The following CAMSAP2 variants were observed in gnomAD, a reference collection of about 807,000 sequenced individuals.
CAMSAP2 encodes calmodulin-regulated spectrin-associated protein 2.
A neutral mutation model predicts 146.1 loss-of-function variants in CAMSAP2; 26 were observed. That is an observed-to-expected ratio of 0.18 (90% CI 0.13 to 0.25). The LOEUF (loss-of-function observed/expected upper bound fraction) is 0.25. Ranked by LOEUF, CAMSAP2 falls within the 10% of genes least tolerant of loss-of-function variation. CAMSAP2 has a pLI of 1.00. For missense variants in CAMSAP2, 1,381 were observed against 1,759.3 expected (o/e 0.78, Z 3.85); for synonymous variants, 499 against 596.6 (o/e 0.84, Z 2.38).
At chr1:200,854,993 C>A in intron 14 of CAMSAP2, 104 bp downstream of exon 14, 2 of 778,032 alleles carry the variant, frequency 2.6e-6, no homozygotes, top group East Asian at 2.9e-5. Context: ...TTTATAATGA[C>A]CAAATCATAA....
intron 2 of CAMSAP2, among the ~76,000 whole-genome samples, chr1:200,785,363 G>A (rs928228168): frequency 1.6e-4 from 25 of 151,572 alleles, no homozygotes; most frequent in Non-Finnish European, 3.2e-4. Flanking sequence ...GTATGCCACC[G>A]GGGCTTGATG....
intron 4 of CAMSAP2, among the ~76,000 whole-genome samples, chr1:200,824,235 C>CTTT (rs76100494): frequency 1.4e-5 from 2 of 141,170 alleles, no homozygotes; most frequent in African/African-American, 5.2e-5. Context: ...TCATCCATCT[C>CTTT]TTTTTTTTTT....
intron 11 of CAMSAP2, among the ~76,000 whole-genome samples, chr1:200,852,171 C>T (rs931254319): frequency 6.6e-6 from 1 of 152,028 alleles, no homozygotes; most frequent in Non-Finnish European, 1.5e-5. Flanking sequence ...TTTTACTGAG[C>T]TTATATTTTA....
In CAMSAP2 at chr1:200,816,782, A is replaced by G. The variant is rs375311662; in HGVS notation, c.645+1138A>G. Among the ~76,000 whole-genome samples, 94 of 107,490 alleles carry G rather than the reference A, an allele frequency of 8.7e-4. 16 individuals carry two copies. Among genetic ancestry groups the G allele is most frequent in the African/African-American group, 2.3e-3 (64 of 27,518 alleles). The allele number at this position is 107,490 out of a possible 152,430, so 70.5% of individuals were successfully genotyped here. On this transcript the variant is annotated intron_variant, in intron 4 of 16. Transcript: ENST00000358823. The stretch of plus-strand genomic sequence containing the variant: ...TGTGTGTACACACACACGCGTGTAT[A>G]TATGTGTGTACACACACACGCGTGT...
intron 1 of CAMSAP2, among the ~76,000 whole-genome samples, chr1:200,753,374 G>A (rs1483005462): frequency 6.6e-6 from 1 of 151,296 alleles, no homozygotes; most frequent in Non-Finnish European, 1.5e-5. Context: ...CTTAGGCATT[G>A]TCTTAGCTCT....
rs1667770896 is a variant in CAMSAP2 at position 200,857,201 on chromosome 1, A to C, written c.4013-105A>C. On this transcript the variant is annotated intron_variant, in intron 15 of 16. Coordinates refer to ENST00000358823, the MANE Select transcript of CAMSAP2 (RefSeq NM_203459.4). The surrounding 1 kb of genome is among the most constrained non-coding windows in gnomAD (Gnocchi z 4.7). The stretch of plus-strand genomic sequence containing the variant: ...CTTTAAGCACAGAATTTGGTCTTCT[A>C]TTACAATATTTCAGCAGTGTAGGAA... The C allele has an allele frequency of 7.2e-6, 6 of 834,634 alleles. No homozygotes were observed. The highest frequency in any genetic ancestry group is 1.2e-5 in the Non-Finnish European group (6 of 514,934). 51.7% of individuals were successfully genotyped at this position (834,634 alleles called of 1,614,324 possible). A position where few individuals can be genotyped will look rare whatever the true frequency, so the allele number is the denominator to read the frequency against.
At chr1:200,798,203 G>A (rs928822623) in intron 2 of CAMSAP2, among the ~76,000 whole-genome samples, 1 of 150,086 alleles carries the variant, frequency 6.7e-6, no homozygotes, top group African/African-American at 2.5e-5. Flanking sequence ...ATTCTGTGAA[G>A]AAAGTCATTG....
chr1:200,811,279 C>T (rs374742980), intron 3 of CAMSAP2, among the ~76,000 whole-genome samples: 6 of 152,128 alleles, frequency 3.9e-5, no homozygotes, highest in African/African-American at 1.4e-4. Context: ...TTTCTCCCTG[C>T]ACTTCTTAGA....
chr1:200,810,766 GT>G (rs1018020041), intron 3 of CAMSAP2, among the ~76,000 whole-genome samples: 4 of 151,924 alleles, frequency 2.6e-5, no homozygotes, highest in African/African-American at 4.8e-5. Context: ...GCACGCGCCT[GT>G]AGTCCCAGCT....
intron 1 of CAMSAP2, among the ~76,000 whole-genome samples, chr1:200,748,119 C>T (rs796861507): frequency 1.2e-4 from 19 of 152,062 alleles, no homozygotes; most frequent in African/African-American, 3.6e-4. Flanking sequence ...GCTCTTCAAA[C>T]GGAAGGATTG....
intron 4 of CAMSAP2, among the ~76,000 whole-genome samples, chr1:200,825,083 CTTAAG>C (rs369019916): frequency 1.1e-4 from 17 of 152,194 alleles, no homozygotes; most frequent in Middle Eastern, 6.8e-3. Flanking sequence ...GTACAGTGTT[CTTAAG>C]TTGTTTCCCT....
In CAMSAP2 at chr1:200,747,986, CAAAAA is replaced by C. The variant is rs901478330; in HGVS notation, c.139+8035_139+8039del. 1.0e-4 allele frequency among the ~76,000 whole-genome samples: 7 copies of C among 68,792 alleles called. No homozygotes were observed. The South Asian group carries it at 2.7e-3, about 26-fold the overall frequency. The allele number at this position is 68,792 out of a possible 152,430, so 45.1% of individuals were successfully genotyped here. Reference sequence around the variant, plus strand: ...TGGGCGACAGAGCGAGACTCCGTCTCAAAAAAAAAAAAAAAAAAAGAAAATGGCTG... The same window carrying C: ...TGGGCGACAGAGCGAGACTCCGTCTCAAAAAAAAAAAAAAGAAAATGGCTG... On this transcript the variant is annotated intron_variant, in intron 1 of 16. Transcript: ENST00000358823.
chr1:200,822,371 T>C (rs1666797009), intron 4 of CAMSAP2, among the ~76,000 whole-genome samples: 1 of 152,248 alleles, frequency 6.6e-6, no homozygotes, highest in African/African-American at 2.4e-5. Context: ...ATATCCCTAG[T>C]CTTCTTTAAA....
rs145462644 is a variant in CAMSAP2 at position 200,824,518 on chromosome 1, A to G, written c.646-7682A>G. On this transcript the variant is annotated intron_variant, in intron 4 of 16. Transcript: ENST00000358823. ...GTTCATATATAAACCTCCAATTCCA[A>G]TCAAACTCCACAGAGTTCTTCCTGG... Among the ~76,000 whole-genome samples, 307 of 152,232 alleles carry G rather than the reference A, an allele frequency of 2.0e-3. 1 individual carries two copies. The highest frequency in any genetic ancestry group is 7.1e-3 in the African/African-American group (294 of 41,538).
intron 6 of CAMSAP2, among the ~76,000 whole-genome samples, chr1:200,838,457 TACTG>T (rs150333703): frequency 0.01 from 1,573 of 152,322 alleles, 71 homozygotes; most frequent in East Asian, 0.073. Context: ...TTTGATGTTT[TACTG>T]ACTGTTTTTT....
chr1:200,771,482 A>G (rs1054572781), intron 2 of CAMSAP2, among the ~76,000 whole-genome samples: 1 of 152,126 alleles, frequency 6.6e-6, no homozygotes, highest in Non-Finnish European at 1.5e-5. Flanking sequence ...CTGATAACAT[A>G]TTTTATATTT....
At chr1:200,777,063 G>T (rs1037522067) in intron 2 of CAMSAP2, among the ~76,000 whole-genome samples, 2 of 152,204 alleles carry the variant, frequency 1.3e-5, no homozygotes, top group African/African-American at 4.8e-5. Flanking sequence ...GAGAGAATGA[G>T]AGAAGGATGA....
At chr1:200,816,520 G>T (rs142712737) in intron 4 of CAMSAP2, among the ~76,000 whole-genome samples, 12,489 of 147,902 alleles carry the variant, frequency 0.084, 989 homozygotes, top group East Asian at 0.34. Context: ...CTTGAACCCA[G>T]GAGGCGGAGG....
chr1:200,782,782 CTTTTT>C (rs57995961), intron 2 of CAMSAP2, among the ~76,000 whole-genome samples: 4 of 72,284 alleles, frequency 5.5e-5, no homozygotes, highest in Admixed American at 1.7e-4. Context: ...TCATTTCTCT[CTTTTT>C]TTTTTTTTTT....
Sources: gnomAD v4.1 joint callset for allele counts (sites outside exome capture counted in the v4.1 genomes callset) on GRCh38, gnomAD v4.1.1 for gene constraint, Gnocchi (gnomAD v3.1) non-coding constraint, MANE v1.5 for transcripts, NCBI Gene and HGNC (gene_info 2026-07-23, HGNC 2026-07-21) for gene names.